The following PPP1R9A variants were observed in gnomAD, a reference collection of about 807,000 sequenced individuals.
The protein encoded by PPP1R9A is neurabin-1.
In PPP1R9A, 59 loss-of-function variants were observed where a neutral mutation model predicts 141.9. The observed-to-expected ratio is 0.42, with a 90% CI of 0.34 to 0.52. PPP1R9A has a LOEUF of 0.52. Ranked by LOEUF, PPP1R9A falls within the 20% of genes least tolerant of loss-of-function variation. PPP1R9A has a pLI of 0.10. For synonymous variants in PPP1R9A, 500 were observed against 569.7 expected (o/e 0.88, Z 1.74); for missense variants, 1,444 against 1,611.9 (o/e 0.90, Z 1.78).
intron 14 of PPP1R9A, among the ~76,000 whole-genome samples, chr7:95,273,246 G>GT (rs1268381128): frequency 2.0e-5 from 3 of 152,200 alleles, no homozygotes; most frequent in African/African-American, 7.2e-5. Flanking sequence ...AACCAGCCAA[G>GT]TTTTGCTGTA....
chr7:95,086,478 A>G (rs1816647313), intron 2 of PPP1R9A, among the ~76,000 whole-genome samples: 1 of 152,002 alleles, frequency 6.6e-6, no homozygotes, highest in Non-Finnish European at 1.5e-5. Context: ...AACTTGGCAA[A>G]TGATGTTTTA....
At chr7:95,217,888 T>C (rs1482273268) in intron 7 of PPP1R9A, among the ~76,000 whole-genome samples, 1 of 152,204 alleles carries the variant, frequency 6.6e-6, no homozygotes. Flanking sequence ...TTGCTATCAG[T>C]CTATCAATTT....
At chr7:95,101,663 G>C (rs1818815533) in intron 2 of PPP1R9A, among the ~76,000 whole-genome samples, 1 of 152,138 alleles carries the variant, frequency 6.6e-6, no homozygotes, top group Non-Finnish European at 1.5e-5. Flanking sequence ...TACCCAGAAG[G>C]AGAACTGGAA....
At chr7:95,280,885 A>T (rs546618786) in intron 16 of PPP1R9A, among the ~76,000 whole-genome samples, 94 of 152,290 alleles carry the variant, frequency 6.2e-4, no homozygotes, top group African/African-American at 2.0e-3. Flanking sequence ...ATTTTATGTT[A>T]TTCCTAATGG....
intron 2 of PPP1R9A, among the ~76,000 whole-genome samples, chr7:94,989,658 C>T (rs956600480): frequency 1.3e-5 from 2 of 152,064 alleles, no homozygotes; most frequent in Admixed American, 6.6e-5. Flanking sequence ...TTACCAAACT[C>T]CTCAGGTGAT....
At chr7:95,244,472 A>G (rs1797852725) in intron 8 of PPP1R9A, among the ~76,000 whole-genome samples, 1 of 152,166 alleles carries the variant, frequency 6.6e-6, no homozygotes, top group African/African-American at 2.4e-5. Context: ...GGAGTTCCTC[A>G]CATCTAGCAT....
chr7:95,294,572 C>G lies in PPP1R9A; in HGVS notation c.*4269C>G, dbSNP rs886541974. 6.6e-6 allele frequency: 1 copy of G among 152,246 alleles called. No individual in the cohort carries two copies. The highest frequency in any genetic ancestry group is 2.4e-5 in the African/African-American group (1 of 41,538). The allele number at this position is 152,246 out of a possible 1,614,324, so 9.4% of individuals were successfully genotyped here. On this transcript the variant is annotated 3_prime_UTR_variant, in exon 20 of 20. Coordinates refer to ENST00000433360, the MANE Select transcript of PPP1R9A (RefSeq NM_001166160.2). ...TCAGTGATTCACTCCTGAAAAGCAG[C>G]CTGGGTATGTTGGCAGATTTTGTTT... is the stretch of plus-strand genomic sequence containing the variant.
At position 95,284,241 on chromosome 7, in the gene PPP1R9A, G is replaced by A. The variant is rs1804851367; in HGVS notation, c.3520G>A (p.Ala1174Thr). The change falls in exon 17 of 20, where the codon GCA becomes ACA. Residue 1174 changes from alanine (A) to threonine (T), a missense_variant. Transcript: ENST00000433360. ...GGTAGAAAACACATGGATTACAAAA[G>A]CAAACAAGAGAAACCCAAATCCCTC... ...SKVENTWITK[A>T]NKRNPNPSSS... 6.4e-7 allele frequency: 1 copy of A among 1,568,988 alleles called. No individual in the cohort carries two copies. The highest frequency in any genetic ancestry group is 1.1e-5 in the South Asian group (1 of 90,456).
chr7:95,234,416 C>T lies in PPP1R9A; in HGVS notation c.2112+8300C>T, dbSNP rs147740848. On this transcript the variant is annotated intron_variant, in intron 8 of 19. Coordinates refer to ENST00000433360, the MANE Select transcript of PPP1R9A (RefSeq NM_001166160.2). ...GCTGAGAATCGAATCAAGAACTCAA[C>T]GCCGTTCACAATAGCTGCAAAGAAA... Among the ~76,000 whole-genome samples, 470 of 152,154 alleles carry T rather than the reference C, an allele frequency of 3.1e-3. 6 individuals are homozygous for T. Among genetic ancestry groups the T allele is most frequent in the Non-Finnish European group, 4.4e-3 (297 of 67,994 alleles).
At chr7:95,175,204 T>A (rs1832723068) in intron 5 of PPP1R9A, 1 of 152,030 alleles carries the variant, frequency 6.6e-6, no homozygotes, top group Non-Finnish European at 1.5e-5. Flanking sequence ...GAGTCAAGGA[T>A]CACTTGGGTC....
intron 10 of PPP1R9A, 46 bp from the exon 11 acceptor site, chr7:95,251,716 T>C: frequency 6.5e-7 from 1 of 1,536,150 alleles, no homozygotes; most frequent in Non-Finnish European, 8.9e-7. Context: ...AGAACTTTCA[T>C]TTATTGAGTG....
At chr7:94,987,541 T>A (rs1392481040) in intron 2 of PPP1R9A, among the ~76,000 whole-genome samples, 4 of 152,132 alleles carry the variant, frequency 2.6e-5, no homozygotes, top group Admixed American at 1.3e-4. Context: ...ATGAAAGTTC[T>A]CTGTAGCGTT....
chr7:95,007,570 A>G (rs1315688194), intron 2 of PPP1R9A, among the ~76,000 whole-genome samples: 1 of 152,210 alleles, frequency 6.6e-6, no homozygotes, highest in Non-Finnish European at 1.5e-5. Context: ...TAATTGAAAT[A>G]GTAACTTTAT....
Position 94,981,539 on chromosome 7 carries a change from C to T in PPP1R9A, c.1395+70031C>T, listed in dbSNP as rs545436020. 1.9e-4 allele frequency among the ~76,000 whole-genome samples: 29 copies of T among 152,146 alleles called. No homozygotes were observed. The East Asian group carries it at 4.6e-3, about 24-fold the overall frequency. On this transcript the variant is annotated intron_variant, in intron 2 of 19. Transcript: ENST00000433360. The stretch of plus-strand genomic sequence containing the variant: ...GGCATGAGCCACTGTGCCTGGCCTA[C>T]GTTTTTTTTAAAAAAAACTTATTAT...
At chr7:95,002,135 G>T (rs530938241) in intron 2 of PPP1R9A, among the ~76,000 whole-genome samples, 7 of 152,062 alleles carry the variant, frequency 4.6e-5, no homozygotes, top group Non-Finnish European at 8.8e-5. Context: ...ATTACCTTTC[G>T]TACTGAAACT....
At chr7:95,198,824 T>C (rs890713267) in intron 6 of PPP1R9A, among the ~76,000 whole-genome samples, 1 of 152,232 alleles carries the variant, frequency 6.6e-6, no homozygotes, top group African/African-American at 2.4e-5. Context: ...CTCTCTGCTT[T>C]ATATTTTTTC....
At chr7:95,082,095 C>G (rs1251151256) in intron 2 of PPP1R9A, among the ~76,000 whole-genome samples, 2 of 152,180 alleles carry the variant, frequency 1.3e-5, no homozygotes, top group African/African-American at 2.4e-5. Context: ...TTTGACCTGA[C>G]TCAGTGCTAA....
intron 7 of PPP1R9A, among the ~76,000 whole-genome samples, chr7:95,205,135 G>A (rs1790510807): frequency 6.6e-6 from 1 of 152,136 alleles, no homozygotes; most frequent in African/African-American, 2.4e-5. Context: ...ACTGTGTACA[G>A]ACAGAAAGAT....
rs1806953375 is a variant in PPP1R9A at position 95,295,267 on chromosome 7, T to G, written c.*4964T>G. ...GAATGGCTCATAGATTTTAAGAGAT[T>G]TTTTTATTGTAAGTATTTCTACTAA... is the stretch of plus-strand genomic sequence containing the variant. On this transcript the variant is annotated 3_prime_UTR_variant, in exon 20 of 20. Transcript: ENST00000433360. 1 of 152,626 alleles carries G rather than the reference T, an allele frequency of 6.6e-6. No individual in the cohort carries two copies. Among genetic ancestry groups the G allele is most frequent in the Admixed American group, 6.5e-5 (1 of 15,282 alleles). 9.5% of individuals were successfully genotyped at this position (152,626 alleles called of 1,614,324 possible).
Sources: gnomAD v4.1 joint callset for allele counts (sites outside exome capture counted in the v4.1 genomes callset) on GRCh38, gnomAD v4.1.1 for gene constraint, MANE v1.5 for transcripts, NCBI Gene and HGNC (gene_info 2026-07-23, HGNC 2026-07-21) for gene names.